The following SCN3A variants were observed in gnomAD, a reference collection of about 807,000 sequenced individuals.
The protein encoded by SCN3A is sodium channel protein type 3 subunit alpha.
A neutral mutation model predicts 187.6 loss-of-function variants in SCN3A; 60 were observed. The ratio of observed to expected loss-of-function variants is 0.32; its 90% confidence interval spans 0.26 to 0.40. The LOEUF is 0.40. Ranked by LOEUF, SCN3A falls within the 10% of genes least tolerant of loss-of-function variation. SCN3A has a pLI of 1.00. For synonymous variants in SCN3A, 788 were observed against 829.2 expected (o/e 0.95, Z 0.85); for missense variants, 1,601 against 2,428.2 (o/e 0.66, Z 7.16).
intron 1 of SCN3A, among the ~76,000 whole-genome samples, chr2:165,193,411 A>T (rs1027819913): frequency 6.6e-6 from 1 of 152,138 alleles, no homozygotes; most frequent in Non-Finnish European, 1.5e-5. Context: ...AGAATATAAC[A>T]GCATTACAGG....
At chr2:165,141,671 A>G (rs1236140227) in intron 12 of SCN3A, among the ~76,000 whole-genome samples, 1 of 152,202 alleles carries the variant, frequency 6.6e-6, no homozygotes, top group South Asian at 2.1e-4. Context: ...AATGGCAACC[A>G]ATGATTCACC....
intron 2 of SCN3A, among the ~76,000 whole-genome samples, chr2:165,183,459 A>G (rs1691017287): frequency 6.6e-6 from 1 of 152,238 alleles, no homozygotes; most frequent in African/African-American, 2.4e-5. Flanking sequence ...TCAGTGTACT[A>G]TGATGCTAAC....
chr2:165,135,518 C>T (rs943446190), intron 15 of SCN3A, among the ~76,000 whole-genome samples: 3 of 152,120 alleles, frequency 2.0e-5, no homozygotes, highest in Admixed American at 2.0e-4. Flanking sequence ...TATAAGCTCT[C>T]CACAAAACAT....
chr2:165,177,027 A>G (rs188432314), intron 2 of SCN3A, among the ~76,000 whole-genome samples: 32 of 152,302 alleles, frequency 2.1e-4, no homozygotes, highest in South Asian at 1.5e-3. Context: ...CATCATTGAC[A>G]ACTGCTGCTC....
intron 3 of SCN3A, among the ~76,000 whole-genome samples, chr2:165,172,053 A>G (rs1690138902): frequency 6.6e-6 from 1 of 152,148 alleles, no homozygotes; most frequent in Non-Finnish European, 1.5e-5. Flanking sequence ...GCTTTGTTTG[A>G]GTAGGTAGAC....
chr2:165,118,428 T>A (rs535515398), intron 18 of SCN3A, among the ~76,000 whole-genome samples: 1 of 152,300 alleles, frequency 6.6e-6, no homozygotes, highest in East Asian at 1.9e-4. Flanking sequence ...TGGCAAAGCT[T>A]TTGCAAGCTC....
At chr2:165,114,083 C>T in intron 19 of SCN3A, 113 bp from the exon 20 acceptor site, 1 of 624,854 alleles carries the variant, frequency 1.6e-6, no homozygotes, top group Non-Finnish European at 2.7e-6. Context: ...ATAGGGTAAC[C>T]ATCTCCTTCA....
intron 1 of SCN3A, among the ~76,000 whole-genome samples, chr2:165,200,392 A>T (rs1692238773): frequency 6.6e-6 from 1 of 152,074 alleles, no homozygotes; most frequent in African/African-American, 2.4e-5. Context: ...CTTCACAGCT[A>T]CCTATGTAAA....
intron 10 of SCN3A, among the ~76,000 whole-genome samples, chr2:165,155,330 T>TTTCCCTTCCC (rs999546127): frequency 8.5e-5 from 13 of 152,058 alleles, no homozygotes; most frequent in African/African-American, 2.7e-4. Context: ...AAGCAGGTCC[T>TTTCCCTTCCC]TTCCCTTCCC....
At chr2:165,162,401 T>A in intron 8 of SCN3A, 30 bp from the exon 9 acceptor site, 1 of 1,607,478 alleles carries the variant, frequency 6.2e-7, no homozygotes, top group Non-Finnish European at 8.5e-7. Flanking sequence ...CCCATTTTAT[T>A]TCATATTAAT....
chr2:165,166,158 A>G (rs913849915), intron 5 of SCN3A, among the ~76,000 whole-genome samples: 7 of 152,190 alleles, frequency 4.6e-5, no homozygotes, highest in South Asian at 4.1e-4. Context: ...TACTAGGAAT[A>G]AGATTAAAGT....
chr2:165,090,616 C>T lies in SCN3A; in HGVS notation c.5537G>A (p.Arg1846Gln), dbSNP rs748446001. 2.7e-5 allele frequency: 43 copies of T among 1,613,890 alleles called. No homozygotes were observed. Among genetic ancestry groups the T allele is most frequent in the Admixed American group, 1.5e-4 (9 of 59,960 alleles). ...AAATAAAATATCAAGACAGTGGATC[C>T]GGTCACCACTGACCATGGGCAGATC... ...AMDLPMVSGD[R>Q]IHCLDILFAF... Residue 1846 changes from arginine (R) to glutamine (Q), a missense_variant, in exon 28 of 28, where the codon CGG (arginine) becomes CAG (glutamine). Physicochemically the swap from Arg to Gln is conservative, Grantham distance 43 (BLOSUM62 1). This residue lies in a region of SCN3A where 110 missense variants were observed against 175.9 expected (regional missense o/e 0.63). Transcript: ENST00000283254. This position sits in a 1 kb window ranked among gnomAD's most constrained non-coding sequence, Gnocchi z 4.0.
intron 21 of SCN3A, among the ~76,000 whole-genome samples, chr2:165,103,223 A>T (rs1224215188): frequency 1.3e-5 from 2 of 152,202 alleles, no homozygotes; most frequent in African/African-American, 4.8e-5. Context: ...AAGTTTGAAG[A>T]TAATGACTAC....
chr2:165,118,366 G>A (rs1686476871), intron 18 of SCN3A, among the ~76,000 whole-genome samples: 1 of 152,164 alleles, frequency 6.6e-6, no homozygotes, highest in Non-Finnish European at 1.5e-5. Context: ...TGATTATAAA[G>A]ATAATCTTCC....
chr2:165,128,700 A>G (rs745535862), intron 17 of SCN3A, among the ~76,000 whole-genome samples: 56 of 152,364 alleles, frequency 3.7e-4, no homozygotes, highest in Non-Finnish European at 7.1e-4. Flanking sequence ...TGAAATTTAT[A>G]TGTTCAAATA....
In SCN3A at chr2:165,127,980, A is replaced by T; in HGVS notation, c.3044T>A (p.Ile1015Asn). 6.2e-7 allele frequency: 1 copy of T among 1,614,080 alleles called. No homozygotes were observed. The highest frequency in any genetic ancestry group is 8.5e-7 in the Non-Finnish European group (1 of 1,180,000). ...QIAVGRMQKG[I>N]DYVKNKMREC... ...CCGCATCTTATTTTTCACATAATCA[A>T]TTCCCTTTTGCATTCTTCCTACTGC... Residue 1015 changes from isoleucine to asparagine, a missense_variant, in exon 18 of 28, where the codon ATT becomes AAT. By Grantham distance (149) the Ile-to-Asn change is moderately radical. Coordinates refer to ENST00000283254, the MANE Select transcript of SCN3A (RefSeq NM_006922.4).
At position 165,139,770 on chromosome 2, in the gene SCN3A, T is replaced by A. The variant is rs539103448; in HGVS notation, c.2020-162A>T. 1.7e-3 allele frequency: 1,333 copies of A among 795,162 alleles called. 7 individuals are homozygous for A. Among genetic ancestry groups the A allele is most frequent in the African/African-American group, 0.011 (613 of 56,962 alleles). 49.3% of individuals were successfully genotyped at this position (795,162 alleles called of 1,614,324 possible). Reference sequence around the variant, plus strand: ...GCTAAGTTATAAACAGTTTTTTTTTTAAAAAAAAGTTATCACAGGTAGTAC... The same window carrying A: ...GCTAAGTTATAAACAGTTTTTTTTTAAAAAAAAAGTTATCACAGGTAGTAC... On this transcript the variant is annotated intron_variant, in intron 13 of 27. Coordinates refer to ENST00000283254, the MANE Select transcript of SCN3A (RefSeq NM_006922.4).
intron 7 of SCN3A, 135 bp from the exon 8 acceptor site, chr2:165,162,963 T>C: frequency 9.4e-7 from 1 of 1,058,362 alleles, no homozygotes; most frequent in South Asian, 1.3e-5. Context: ...GATAGCCTGA[T>C]GATTTGGGAA....
chr2:165,191,597 T>G (rs1691617390), intron 1 of SCN3A, among the ~76,000 whole-genome samples: 1 of 152,114 alleles, frequency 6.6e-6, no homozygotes, highest in South Asian at 2.1e-4. Context: ...TGACTAACTC[T>G]TCTATCTCCT....
Sources: allele counts gnomAD v4.1 joint callset (sites outside exome capture counted in the v4.1 genomes callset), GRCh38; gene constraint gnomAD v4.1.1; regional missense constraint gnomAD v4.1.1; non-coding constraint Gnocchi (gnomAD v3.1); transcripts MANE v1.5; gene names NCBI Gene and HGNC (gene_info 2026-07-23, HGNC 2026-07-21).